Variants in ANGEL1 observed in about 807,000 individuals in gnomAD.
ANGEL1 encodes the protein angel homolog 1, also known as RNA 2',3'-cyclic phosphatase ANGEL1.
In ANGEL1, 62 loss-of-function variants were observed where a neutral mutation model predicts 76.4. The ratio of observed to expected loss-of-function variants is 0.81; its 90% CI spans 0.66 to 1.00. The LOEUF is 1.00. Among genes scored for constraint, ANGEL1 ranks in the 50% least tolerant of loss-of-function variants. ANGEL1 has a pLI of 0.00. For missense variants in ANGEL1, 737 were observed against 836.7 expected, an observed-to-expected ratio of 0.88 and a Z score of 1.47; for synonymous variants, 340 against 331.7, an observed-to-expected ratio of 1.03 and a Z score of -0.27.
At chr14:76,807,849 A>G (rs2140229429) in intron 3 of ANGEL1, 73 bp downstream of exon 3, 6 of 1,517,090 alleles carry the variant, frequency 4.0e-6, no homozygotes, top group South Asian at 1.2e-5. Flanking sequence ...GGTTGAACTC[A>G]TCTTCTAAGA....
chr14:76,796,972 A>T (rs1335872937), intron 7 of ANGEL1, among the ~76,000 whole-genome samples: 1 of 152,216 alleles, frequency 6.6e-6, no homozygotes, highest in Non-Finnish European at 1.5e-5. Flanking sequence ...AGGATCTTAA[A>T]CATGATTTCC....
intron 1 of ANGEL1, chr14:76,812,520 C>G: frequency 1.6e-6 from 2 of 1,243,572 alleles, no homozygotes; most frequent in South Asian, 3.2e-5. Context: ...TAACCGCGGC[C>G]GGACGCCATC....
chr14:76,804,260 A>G (rs1894850963), intron 5 of ANGEL1: 16 of 1,350,370 alleles, frequency 1.2e-5, no homozygotes, highest in East Asian at 3.0e-5. Context: ...TTAAGTTGCA[A>G]TGGTTAAAGG....
intron 5 of ANGEL1, chr14:76,804,312 C>T (rs1436642474): frequency 9.6e-6 from 11 of 1,151,772 alleles, no homozygotes; most frequent in Admixed American, 9.1e-5. Flanking sequence ...GGTCTAATAT[C>T]CTGAACCTAT....
chr14:76,807,673 C>T (rs548557950), intron 3 of ANGEL1, among the ~76,000 whole-genome samples, 171 bp from the exon 4 acceptor site: 2 of 152,182 alleles, frequency 1.3e-5, no homozygotes, highest in Admixed American at 6.5e-5. Context: ...TAGAGATGTG[C>T]ACTGGATTTT....
Position 76,812,829 on chromosome 14 carries a change from G to C in ANGEL1, c.-2C>G, listed in dbSNP as rs1195351718. 2 of 1,511,166 alleles carry C rather than the reference G, an allele frequency of 1.3e-6. No individual in the cohort carries two copies. The highest frequency in any genetic ancestry group is 1.8e-6 in the Non-Finnish European group (2 of 1,134,066). 93.6% of individuals were successfully genotyped at this position (1,511,166 alleles called of 1,614,324 possible). Reference sequence around the variant, plus strand: ...GTAACACAAGCACGACGCGATCATGGCCGGCCGCCCGCGCCCGCCTCCGCT... The same window carrying C: ...GTAACACAAGCACGACGCGATCATGCCCGGCCGCCCGCGCCCGCCTCCGCT... On this transcript the variant is annotated 5_prime_UTR_variant, in exon 1 of 10. Transcript: ENST00000251089.
At chr14:76,800,957 A>C (rs1894743868) in intron 7 of ANGEL1, among the ~76,000 whole-genome samples, 1 of 151,972 alleles carries the variant, frequency 6.6e-6, no homozygotes, top group African/African-American at 2.4e-5. Flanking sequence ...TGGATGACAA[A>C]GCAAGACTTT....
intron 7 of ANGEL1, among the ~76,000 whole-genome samples, chr14:76,794,388 T>C (rs958609000): frequency 6.6e-6 from 1 of 152,090 alleles, no homozygotes; most frequent in Non-Finnish European, 1.5e-5. Flanking sequence ...AATACCCCTT[T>C]AGGCCAGGCG....
chr14:76,790,066 T>C (rs570080492), intron 9 of ANGEL1, among the ~76,000 whole-genome samples: 57 of 152,086 alleles, frequency 3.7e-4, no homozygotes, highest in Admixed American at 3.1e-3. Context: ...GGTTTCATCA[T>C]GTGGCCAGGC....
intron 1 of ANGEL1, chr14:76,812,480 G>T: frequency 8.2e-7 from 1 of 1,214,016 alleles, no homozygotes; most frequent in Non-Finnish European, 1.0e-6. Context: ...CCAGGAAAGG[G>T]CCCTGCCCGT....
At chr14:76,801,678 C>T (rs1595302430) in intron 7 of ANGEL1, among the ~76,000 whole-genome samples, 1 of 151,920 alleles carries the variant, frequency 6.6e-6, no homozygotes, top group East Asian at 1.9e-4. Context: ...ACCTTGTTTT[C>T]CACAGTTATC....
rs772127505 is a variant in ANGEL1, at chr14:76,808,026, T to G, written c.772A>C (p.Met258Leu). Residue 258 changes from methionine (M) to leucine (L), a missense_variant, in exon 3 of 10, where the codon ATG becomes CTG. Transcript: ENST00000251089. ...MSYNILAQDL[M>L]QQSSELYLHC... Reference sequence around the variant, plus strand: ...AGATAGAGCTCTGAGCTCTGCTGCATCAGGTCCTGAGCCAGGATGTTATAA... The same window carrying G: ...AGATAGAGCTCTGAGCTCTGCTGCAGCAGGTCCTGAGCCAGGATGTTATAA... The G allele has an allele frequency of 1.2e-6, 2 of 1,614,106 alleles. No individual in the cohort carries two copies. The highest frequency in any genetic ancestry group is 1.7e-6 in the Non-Finnish European group (2 of 1,180,020).
intron 7 of ANGEL1, among the ~76,000 whole-genome samples, chr14:76,798,658 G>A (rs1894655643): frequency 6.6e-6 from 1 of 152,032 alleles, no homozygotes; most frequent in Non-Finnish European, 1.5e-5. Flanking sequence ...ATTACAAAGG[G>A]GGTTGGGAGC....
chr14:76,787,580 CATAGAAA>C lies in ANGEL1; in HGVS notation c.*1641_*1647del, dbSNP rs1026294885. ...GAAACAAAGTTTGAAAATATATACACATAGAAAAATAAATTCCCTAGAACCTAGGCAT... is the reference window on the plus strand; with the variant it reads ...GAAACAAAGTTTGAAAATATATACACAATAAATTCCCTAGAACCTAGGCAT... On this transcript the variant is annotated 3_prime_UTR_variant, in exon 10 of 10. Transcript: ENST00000251089. The C allele has an allele frequency of 6.6e-6, 1 of 152,632 alleles. No individual in the cohort carries two copies. The highest frequency in any genetic ancestry group is 1.5e-5 in the Non-Finnish European group (1 of 68,068). The allele number at this position is 152,632 out of a possible 1,614,324, so 9.5% of individuals were successfully genotyped here. A position where few individuals can be genotyped will look rare whatever the true frequency, so the allele number is the denominator to read the frequency against.
At chr14:76,801,358 T>C (rs1894759648) in intron 7 of ANGEL1, among the ~76,000 whole-genome samples, 2 of 152,164 alleles carry the variant, frequency 1.3e-5, no homozygotes, top group East Asian at 1.9e-4. Flanking sequence ...GCAATCCTTC[T>C]GCCTTGGTCT....
At chr14:76,798,964 A>C (rs923252237) in intron 7 of ANGEL1, among the ~76,000 whole-genome samples, 15 of 151,828 alleles carry the variant, frequency 9.9e-5, no homozygotes, top group Non-Finnish European at 8.8e-5. Flanking sequence ...AAAAAAAAAA[A>C]ACAAAGGGAG....
chr14:76,812,355 G>A, intron 1 of ANGEL1: 1 of 1,030,788 alleles, frequency 9.7e-7, no homozygotes, highest in Non-Finnish European at 1.2e-6. Flanking sequence ...TCCCAGAGCC[G>A]ACCCGCCTCG....
In ANGEL1 at chr14:76,789,150, A is replaced by G; in HGVS notation, c.*78T>C. On this transcript the variant is annotated 3_prime_UTR_variant, in exon 10 of 10. Transcript: ENST00000251089. ...GTAAGTTTCTTGGATCTAAGTTTCT[A>G]GATGCATGGGATTTTTCCACAGTCT... is the stretch of plus-strand genomic sequence containing the variant. The G allele has an allele frequency of 6.5e-7, 1 of 1,540,090 alleles. No individual in the cohort carries two copies. Among genetic ancestry groups the G allele is most frequent in the Middle Eastern group, 1.7e-4 (1 of 5,790 alleles).
intron 6 of ANGEL1, 136 bp from the exon 7 acceptor site, chr14:76,803,617 T>C (rs1379703742): frequency 3.7e-6 from 5 of 1,341,882 alleles, no homozygotes; most frequent in Non-Finnish European, 5.1e-6. Flanking sequence ...CCAAAGGCTA[T>C]GATTTAAAGT....
Sources: allele counts gnomAD v4.1 joint callset (sites outside exome capture counted in the v4.1 genomes callset), GRCh38; gene constraint gnomAD v4.1.1; transcripts MANE v1.5; gene names NCBI Gene and HGNC (gene_info 2026-07-23, HGNC 2026-07-21).